The following CPS1 variants were observed in gnomAD, a reference collection of about 807,000 sequenced individuals.
The protein encoded by CPS1 is carbamoyl-phosphate synthase 1.
CPS1 carries 109 observed loss-of-function variants against 174.6 expected under a neutral mutation model. The ratio of observed to expected loss-of-function variants is 0.62; its 90% CI spans 0.53 to 0.73. The LOEUF (loss-of-function observed/expected upper bound fraction) is 0.73, where lower values mean the gene tolerates loss of function less well. CPS1 is among the 30% of genes least tolerant of loss of function. The probability of loss-of-function intolerance (pLI) is 0.00; values close to 1 mark genes in which losing one functional copy is unlikely to be tolerated. For synonymous variants in CPS1, 637 were observed against 632.0 expected (o/e 1.01, Z -0.12); for missense variants, 1,689 against 1,821.9 (o/e 0.93, Z 1.33).
At chr2:210,502,387 AT>A (rs1232958239) in intron 1 of CPS1, among the ~76,000 whole-genome samples, 1 of 146,638 alleles carries the variant, frequency 6.8e-6, no homozygotes, top group East Asian at 2.0e-4. Context: ...ATATTTTTTT[AT>A]ATATATGTAT....
chr2:210,614,785 C>T (rs1699245060), intron 20 of CPS1, among the ~76,000 whole-genome samples: 1 of 150,826 alleles, frequency 6.6e-6, no homozygotes, highest in Admixed American at 6.6e-5. Flanking sequence ...AACACAGGAA[C>T]AGAAAACCAA....
intron 2 of CPS1, among the ~76,000 whole-genome samples, chr2:210,575,796 T>C (rs1282129557): frequency 2.6e-5 from 4 of 152,116 alleles, no homozygotes; most frequent in Non-Finnish European, 5.9e-5. Context: ...ATAAATTAAC[T>C]CACTTATTCT....
chr2:210,598,562 C>T (rs1698584995), intron 13 of CPS1, among the ~76,000 whole-genome samples: 2 of 151,648 alleles, frequency 1.3e-5, no homozygotes, highest in Admixed American at 1.3e-4. Context: ...GGATACAATC[C>T]TAATTTCAGA....
chr2:210,600,636 C>T lies in CPS1; in HGVS notation c.1631C>T (p.Thr544Met), dbSNP rs121912592. 1.7e-5 allele frequency: 27 copies of T among 1,612,066 alleles called. No individual in the cohort carries two copies. Among genetic ancestry groups the T allele is most frequent in the South Asian group, 2.2e-5 (2 of 91,028 alleles). ...LGTSVESIMATEDRQLFSDKL... is the reference protein window; with the variant it reads ...LGTSVESIMAMEDRQLFSDKL... ...ACTTCAGTTGAGTCCATTATGGCTA[C>T]GGAAGACAGGCAGCTGTTTTCAGAT... is the stretch of plus-strand genomic sequence containing the variant. Residue 544 changes from threonine to methionine, a missense_variant, in exon 15 of 38, where the codon ACG becomes ATG. Transcript: ENST00000233072.
At chr2:210,526,529 A>G (rs1380532556) in intron 1 of CPS1, among the ~76,000 whole-genome samples, 2 of 151,926 alleles carry the variant, frequency 1.3e-5, no homozygotes, top group African/African-American at 4.8e-5. Flanking sequence ...CCGTTTTAAC[A>G]TATTGAAAGG....
intron 1 of CPS1, among the ~76,000 whole-genome samples, chr2:210,551,546 G>A (rs1696731346): frequency 6.6e-6 from 1 of 151,808 alleles, no homozygotes; most frequent in African/African-American, 2.4e-5. Flanking sequence ...TAAGGTGTTT[G>A]CAAATGGGGT....
At chr2:210,509,464 C>G (rs952043494) in intron 1 of CPS1, among the ~76,000 whole-genome samples, 4 of 152,142 alleles carry the variant, frequency 2.6e-5, no homozygotes, top group Non-Finnish European at 5.9e-5. Flanking sequence ...CCTTTGAAAA[C>G]TGGCACATGA....
intron 1 of CPS1, among the ~76,000 whole-genome samples, chr2:210,507,416 C>CA (rs1259127724): frequency 6.6e-6 from 1 of 152,194 alleles, no homozygotes; most frequent in Admixed American, 6.5e-5. Flanking sequence ...CCACCCACTG[C>CA]AAAAACATGC....
intron 1 of CPS1, among the ~76,000 whole-genome samples, chr2:210,515,358 T>A (rs936911058): frequency 7.9e-5 from 12 of 151,682 alleles, no homozygotes; most frequent in African/African-American, 2.7e-4. Flanking sequence ...GGTTTTTTTT[T>A]ATTACTGATT....
chr2:210,663,222 G>T (rs1700982599), intron 33 of CPS1, 25 bp downstream of exon 33: 1 of 1,593,858 alleles, frequency 6.3e-7, no homozygotes, highest in East Asian at 2.2e-5. Context: ...ATCCATGGAA[G>T]CTTTCATTAA....
intron 1 of CPS1, among the ~76,000 whole-genome samples, chr2:210,570,446 C>T (rs910320003): frequency 5.9e-5 from 9 of 151,792 alleles, no homozygotes; most frequent in Non-Finnish European, 5.9e-5. Flanking sequence ...AATTTTTACC[C>T]TTCTTTAAAA....
chr2:210,483,979 A>T (rs1172017362), intron 1 of CPS1, among the ~76,000 whole-genome samples: 1 of 152,196 alleles, frequency 6.6e-6, no homozygotes, highest in Non-Finnish European at 1.5e-5. Context: ...TGCATATTGT[A>T]TTCTAGGTTT....
chr2:210,619,114 A>C (rs561645833), intron 21 of CPS1: 7 of 152,110 alleles, frequency 4.6e-5, no homozygotes, highest in African/African-American at 1.7e-4. Flanking sequence ...TTTCATAGAG[A>C]TCCTTGAGAA....
chr2:210,654,151 T>C (rs780742191), intron 29 of CPS1, 49 bp downstream of exon 29: 12 of 1,535,162 alleles, frequency 7.8e-6, no homozygotes, highest in Non-Finnish European at 1.1e-5. Flanking sequence ...TCATCATTTT[T>C]TTCTTTAACA....
chr2:210,657,006 T>G (rs1253862776), intron 30 of CPS1, among the ~76,000 whole-genome samples: 1 of 152,104 alleles, frequency 6.6e-6, no homozygotes, highest in Non-Finnish European at 1.5e-5. Context: ...TTGCTGCTAG[T>G]CTGGGGATGG....
chr2:210,484,449 C>A (rs960521448), intron 1 of CPS1, among the ~76,000 whole-genome samples: 1 of 152,142 alleles, frequency 6.6e-6, no homozygotes, highest in African/African-American at 2.4e-5. Context: ...TTGAAACTGG[C>A]CAATTGTCCC....
intron 1 of CPS1, among the ~76,000 whole-genome samples, chr2:210,538,717 C>T (rs903331347): frequency 6.6e-6 from 1 of 151,964 alleles, no homozygotes; most frequent in African/African-American, 2.4e-5. Context: ...GTATGATAAG[C>T]ATATTGGAGA....
intron 1 of CPS1, among the ~76,000 whole-genome samples, chr2:210,510,458 A>G: frequency 6.6e-6 from 1 of 152,224 alleles, no homozygotes; most frequent in South Asian, 2.1e-4. Flanking sequence ...CATTCAGGAC[A>G]TAGGCATGGG....
Position 210,534,183 on chromosome 2 carries a change from T to C in CPS1, c.4-22536T>C, listed in dbSNP as rs1246499817. ...TGTGGGGAAATAAGCAGTGTTTCGA[T>C]GGCAAAGAGACTGCTCGCGAGGGGC... is the stretch of plus-strand genomic sequence containing the variant. On this transcript the variant is annotated intron_variant, in intron 1 of 38. Transcript: ENST00000430249. 4.6e-5 allele frequency among the ~76,000 whole-genome samples: 7 copies of C among 152,196 alleles called. No individual in the cohort carries two copies. In the South Asian group the frequency reaches 1.2e-3, roughly 27 times the overall value.
Sources: gnomAD v4.1 joint callset for allele counts (sites outside exome capture counted in the v4.1 genomes callset) on GRCh38, gnomAD v4.1.1 for gene constraint, MANE v1.5 for transcripts, NCBI Gene and HGNC (gene_info 2026-07-23, HGNC 2026-07-21) for gene names.